CNTNAP4: variants seen among roughly 807,000 people sequenced by gnomAD.
CNTNAP4 encodes contactin-associated protein-like 4.
A neutral mutation model predicts 148.4 loss-of-function variants in CNTNAP4; 98 were observed. The ratio of observed to expected loss-of-function variants is 0.66; its 90% CI spans 0.56 to 0.78. The LOEUF is 0.78. Among genes scored for constraint, CNTNAP4 ranks in the 30% least tolerant of loss-of-function variants. The pLI is 0.00. For synonymous variants in CNTNAP4, 730 were observed against 565.1 expected, an observed-to-expected ratio of 1.29 and a Z score of -4.14; for missense variants, 1,935 against 1,565.6, an observed-to-expected ratio of 1.24 and a Z score of -3.98.
intron 3 of CNTNAP4, among the ~76,000 whole-genome samples, chr16:76,361,287 C>A (rs2144548747): frequency 6.6e-6 from 1 of 152,220 alleles, no homozygotes; most frequent in South Asian, 2.1e-4. Flanking sequence ...TGTTGAATGA[C>A]ACCTCCTCAT....
At chr16:76,423,010 T>A (rs935302390) in intron 3 of CNTNAP4, among the ~76,000 whole-genome samples, 4 of 152,100 alleles carry the variant, frequency 2.6e-5, no homozygotes, top group African/African-American at 4.8e-5. Context: ...AGTTTCCTTA[T>A]AAAAGAGACC....
intron 2 of CNTNAP4, among the ~76,000 whole-genome samples, chr16:76,334,176 TATAATAATAATAATA>T (rs56790152): frequency 6.7e-6 from 1 of 149,390 alleles, no homozygotes; most frequent in Non-Finnish European, 1.5e-5. Flanking sequence ...AAACTTAAAG[TATAATAATAATAATA>T]ATAATAATAA....
chr16:76,395,928 C>T (rs1380156221), intron 3 of CNTNAP4, among the ~76,000 whole-genome samples: 2 of 151,990 alleles, frequency 1.3e-5, no homozygotes, highest in Non-Finnish European at 2.9e-5. Flanking sequence ...GGGGTTTCAC[C>T]ATGTTTGGCA....
At position 76,522,103 on chromosome 16, in the gene CNTNAP4, AC is replaced by A; in HGVS notation, c.2604del (p.Thr869ProfsTer11). 1 of 1,613,904 alleles carries A rather than the reference AC, an allele frequency of 6.2e-7. No individual in the cohort carries two copies. Among genetic ancestry groups the A allele is most frequent in the Non-Finnish European group, 8.5e-7 (1 of 1,179,854 alleles). The stretch of plus-strand genomic sequence containing the variant: ...GGCCTTTTGAAATCTCAGTGCAGTC[AC>A]CCACCCACTTCAACGACAACCAGTG... The part of the protein sequence containing the change: ...NGPFEISVQS[P>X]THFNDNQWHH... On this transcript the variant is annotated frameshift_variant, in exon 17 of 24. Coordinates refer to ENST00000611870, the MANE Select transcript of CNTNAP4 (RefSeq NM_033401.5). LOFTEE classifies it high-confidence loss of function.
intron 3 of CNTNAP4, among the ~76,000 whole-genome samples, chr16:76,400,502 T>C (rs1025638578): frequency 6.6e-6 from 1 of 152,204 alleles, no homozygotes; most frequent in Non-Finnish European, 1.5e-5. Context: ...GTTGTCTGTT[T>C]ATTGATGATT....
intron 15 of CNTNAP4, among the ~76,000 whole-genome samples, chr16:76,500,355 A>G (rs758888050): frequency 1.3e-5 from 2 of 152,246 alleles, no homozygotes; most frequent in South Asian, 2.1e-4. Context: ...GTACAAAGCT[A>G]TGATGGCAAA....
At chr16:76,398,724 A>G (rs537053655) in intron 3 of CNTNAP4, among the ~76,000 whole-genome samples, 2 of 152,066 alleles carry the variant, frequency 1.3e-5, no homozygotes, top group African/African-American at 4.8e-5. Context: ...ACATGATACT[A>G]TCCAACTTTC....
At chr16:76,312,768 G>A (rs977960311) in intron 1 of CNTNAP4, among the ~76,000 whole-genome samples, 2 of 152,142 alleles carry the variant, frequency 1.3e-5, no homozygotes, top group African/African-American at 4.8e-5. Flanking sequence ...AATGAGAAGA[G>A]CAAATTAATC....
rs1180903715 is a variant in CNTNAP4 at position 76,461,987 on chromosome 16, T to C, written c.1365T>C (p.Ser455=). 11 of 1,613,776 alleles carry C rather than the reference T, an allele frequency of 6.8e-6. No individual in the cohort carries two copies. The highest frequency in any genetic ancestry group is 4.4e-5 in the South Asian group (4 of 91,084). The change falls in exon 9 of 24, where the codon TCT becomes TCC. Residue 455 remains serine, a synonymous_variant. Transcript: ENST00000611870. ...AATTAAATGATGGGCAGTGGCATTC[T>C]GTCTCTTTATCTGCTAAAAAGAATC... ...GVELNDGQWH[S]VSLSAKKNHL...
chr16:76,502,760 A>T (rs1309239127), intron 15 of CNTNAP4, among the ~76,000 whole-genome samples: 1 of 152,192 alleles, frequency 6.6e-6, no homozygotes, highest in Non-Finnish European at 1.5e-5. Context: ...GATTTGAATA[A>T]AGCCATTAGT....
intron 21 of CNTNAP4, among the ~76,000 whole-genome samples, chr16:76,551,335 C>T (rs995891766): frequency 2.8e-4 from 42 of 151,374 alleles, no homozygotes; most frequent in African/African-American, 9.9e-4. Context: ...GAGGCAAAAG[C>T]TGCAGGGAGC....
intron 4 of CNTNAP4, among the ~76,000 whole-genome samples, 153 bp downstream of exon 4, chr16:76,427,752 A>G (rs541495594): frequency 2.0e-5 from 3 of 152,232 alleles, no homozygotes; most frequent in East Asian, 3.8e-4. Context: ...ATGCCTGTAC[A>G]TGCCAATATT....
intron 3 of CNTNAP4, among the ~76,000 whole-genome samples, chr16:76,365,795 A>G (rs926221313): frequency 6.6e-5 from 10 of 151,510 alleles, no homozygotes; most frequent in Non-Finnish European, 1.0e-4. Flanking sequence ...CTGGGTAATT[A>G]CTTTTTATAA....
chr16:76,552,165 A>G (rs2084978187), intron 21 of CNTNAP4, among the ~76,000 whole-genome samples: 1 of 152,096 alleles, frequency 6.6e-6, no homozygotes, highest in African/African-American at 2.4e-5. Flanking sequence ...TGAACTTCCA[A>G]ACACTTATAA....
intron 15 of CNTNAP4, among the ~76,000 whole-genome samples, chr16:76,500,867 G>A (rs980638080): frequency 6.6e-6 from 1 of 151,854 alleles, no homozygotes; most frequent in African/African-American, 2.4e-5. Flanking sequence ...TTAGATTAGC[G>A]ACTAGTGCAT....
intron 3 of CNTNAP4, among the ~76,000 whole-genome samples, chr16:76,364,039 C>G (rs1334233818): frequency 3.3e-5 from 5 of 151,734 alleles, no homozygotes; most frequent in Non-Finnish European, 7.4e-5. Flanking sequence ...GAGTTTGAGA[C>G]CACCCTAGCC....
At position 76,368,595 on chromosome 16, in the gene CNTNAP4, T is replaced by C. The variant is rs191543761; in HGVS notation, c.390+13084T>C. ...GAACAGAAAACCAAATACAGCATGT[T>C]CTCACTCATAAGTGGGAGTTGAACA... On this transcript the variant is annotated intron_variant, in intron 3 of 23. Transcript: ENST00000611870. Among the ~76,000 whole-genome samples, 512 of 152,176 alleles carry C rather than the reference T, an allele frequency of 3.4e-3. 4 individuals carry two copies. The highest frequency in any genetic ancestry group is 0.011 in the African/African-American group (438 of 41,514).
At chr16:76,474,408 T>C (rs2081488059) in intron 10 of CNTNAP4, among the ~76,000 whole-genome samples, 1 of 152,176 alleles carries the variant, frequency 6.6e-6, no homozygotes, top group Non-Finnish European at 1.5e-5. Flanking sequence ...GCAAGAAACC[T>C]ATCTAAATTG....
chr16:76,314,804 C>G (rs1490553234), intron 1 of CNTNAP4, among the ~76,000 whole-genome samples: 1 of 152,100 alleles, frequency 6.6e-6, no homozygotes, highest in Non-Finnish European at 1.5e-5. Context: ...ACCACCTATC[C>G]CCAAATTAGA....
Sources: allele counts gnomAD v4.1 joint callset (sites outside exome capture counted in the v4.1 genomes callset), GRCh38; gene constraint gnomAD v4.1.1; transcripts MANE v1.5; gene names NCBI Gene and HGNC (gene_info 2026-07-23, HGNC 2026-07-21).